Variants in WFDC1 observed in about 807,000 individuals in gnomAD.
The protein encoded by WFDC1 is WAP four-disulfide core domain 1.
WFDC1 carries 39 observed loss-of-function variants against 32.9 expected under a neutral mutation model. The observed-to-expected ratio is 1.19, with a 90% CI of 0.92 to 1.55. The LOEUF is 1.55. Among genes scored for constraint, WFDC1 ranks in the 40% most tolerant of loss-of-function variants. WFDC1 has a pLI of 0.00. For missense variants in WFDC1, 386 were observed against 309.5 expected (o/e 1.25, Z -1.85); for synonymous variants, 184 against 137.4 (o/e 1.34, Z -2.37).
In WFDC1 at chr16:84,318,395, C is replaced by T. The variant is rs573090366; in HGVS notation, c.421+40C>T. 39 of 1,596,454 alleles carry T rather than the reference C, an allele frequency of 2.4e-5. 1 individual carries two copies. Among genetic ancestry groups the T allele is most frequent in the South Asian group, 1.5e-4 (14 of 90,500 alleles). On this transcript the variant is annotated intron_variant, in intron 3 of 6. Transcript: ENST00000219454. ...AAGCCCAGACCCTACATCCAAGCCTCGATCCCTCCTTCTCAGCTGCTTCCA... is the reference window on the plus strand; with the variant it reads ...AAGCCCAGACCCTACATCCAAGCCTTGATCCCTCCTTCTCAGCTGCTTCCA...
At chr16:84,309,296 C>T (rs941432619) in intron 1 of WFDC1, among the ~76,000 whole-genome samples, 1 of 151,862 alleles carries the variant, frequency 6.6e-6, no homozygotes, top group Non-Finnish European at 1.5e-5. Context: ...ACCTGGTTGG[C>T]GCAGGGCTCG....
intron 6 of WFDC1, chr16:84,327,160 A>G (rs1908653196): frequency 1.7e-6 from 1 of 580,246 alleles, no homozygotes; most frequent in African/African-American, 1.9e-5. Context: ...ACGACATACT[A>G]TATGCACTGT....
intron 6 of WFDC1, chr16:84,328,305 C>T (rs978392664): frequency 5.3e-5 from 8 of 152,086 alleles, no homozygotes; most frequent in African/African-American, 9.7e-5. Context: ...AAAGGTGAGG[C>T]GTAGGTGCAT....
chr16:84,315,584 A>G (rs771113993), intron 2 of WFDC1, among the ~76,000 whole-genome samples: 41 of 152,218 alleles, frequency 2.7e-4, no homozygotes, highest in South Asian at 4.1e-4. Context: ...GCATATTGAC[A>G]TTTGGGATTG....
At chr16:84,304,233 T>C (rs1353939324) in intron 1 of WFDC1, among the ~76,000 whole-genome samples, 1 of 152,340 alleles carries the variant, frequency 6.6e-6, no homozygotes, top group Non-Finnish European at 1.5e-5. Context: ...TTTGTTCATC[T>C]ATATGAACAA....
chr16:84,318,262 A>G lies in WFDC1; in HGVS notation c.338-10A>G. On this transcript the variant is annotated splice_polypyrimidine_tract_variant and intron_variant, in intron 2 of 6. Coordinates refer to ENST00000219454, the MANE Select transcript of WFDC1 (RefSeq NM_021197.4). Reference sequence around the variant, plus strand: ...GAGGAGGGCCCTGATCTGACCCCGTATTGTGTTAGTCTTAGACTGGCTGGT... The same window carrying G: ...GAGGAGGGCCCTGATCTGACCCCGTGTTGTGTTAGTCTTAGACTGGCTGGT... 1.2e-6 allele frequency: 2 copies of G among 1,613,904 alleles called. No individual in the cohort carries two copies. The highest frequency in any genetic ancestry group is 8.5e-7 in the Non-Finnish European group (1 of 1,179,864).
chr16:84,307,906 A>G (rs980340391), intron 1 of WFDC1, among the ~76,000 whole-genome samples: 1 of 152,112 alleles, frequency 6.6e-6, no homozygotes, highest in Admixed American at 6.5e-5. Context: ...TACAGGGGTG[A>G]GGGAGATTGG....
chr16:84,325,492 T>G (rs1179279597), intron 5 of WFDC1, among the ~76,000 whole-genome samples: 1 of 151,834 alleles, frequency 6.6e-6, no homozygotes, highest in East Asian at 1.9e-4. Flanking sequence ...CATGAGCCAC[T>G]GTGCCTGGCC....
chr16:84,307,373 G>C (rs1023054113), intron 1 of WFDC1, among the ~76,000 whole-genome samples: 1 of 152,142 alleles, frequency 6.6e-6, no homozygotes, highest in Non-Finnish European at 1.5e-5. Flanking sequence ...CCTTTAATCT[G>C]GGCCTCTCAG....
rs1908812386 is a variant in WFDC1, at chr16:84,329,747, C to A, written c.*441C>A. On this transcript the variant is annotated 3_prime_UTR_variant, in exon 7 of 7. Coordinates refer to ENST00000219454, the MANE Select transcript of WFDC1 (RefSeq NM_021197.4). Reference sequence around the variant, plus strand: ...CAGGAAATGGAAATGAACTTGCTTACTAATGTGTGATTCCTAGTTGTAGCC... The same window carrying A: ...CAGGAAATGGAAATGAACTTGCTTAATAATGTGTGATTCCTAGTTGTAGCC... 1 of 152,206 alleles carries A rather than the reference C, an allele frequency of 6.6e-6. No homozygotes were observed. The highest frequency in any genetic ancestry group is 2.1e-4 in the South Asian group (1 of 4,830). 9.4% of individuals were successfully genotyped at this position (152,206 alleles called of 1,614,324 possible).
At chr16:84,324,813 C>T (rs1908493328) in intron 5 of WFDC1, among the ~76,000 whole-genome samples, 2 of 152,152 alleles carry the variant, frequency 1.3e-5, no homozygotes, top group South Asian at 2.1e-4. Context: ...TTATTTCATC[C>T]ATCCATTCAT....
chr16:84,312,021 C>A (rs927027520), intron 1 of WFDC1, among the ~76,000 whole-genome samples: 1 of 151,874 alleles, frequency 6.6e-6, no homozygotes, highest in African/African-American at 2.4e-5. Context: ...CAAAATTAGC[C>A]GGGTGTGGTG....
Position 84,300,277 on chromosome 16 carries a change from C to T in WFDC1, c.144+5162C>T, listed in dbSNP as rs541448894. 5.3e-5 allele frequency among the ~76,000 whole-genome samples: 8 copies of T among 152,354 alleles called. No individual in the cohort carries two copies. In the South Asian group the frequency reaches 1.4e-3, roughly 28 times the overall value. ...TGTAGGAGCAAATGGAGCTGGAGCC[C>T]GATGGCCCAGCTGGCTTCTCAACTT... On this transcript the variant is annotated intron_variant, in intron 1 of 6. Transcript: ENST00000219454.
intron 2 of WFDC1, among the ~76,000 whole-genome samples, chr16:84,314,297 G>A (rs1186284696): frequency 6.6e-6 from 1 of 152,200 alleles, no homozygotes; most frequent in Non-Finnish European, 1.5e-5. Context: ...GGGGAGTAGG[G>A]TAGACAAGTA....
chr16:84,295,378 C>G (rs1416914081), intron 1 of WFDC1: 1 of 498,056 alleles, frequency 2.0e-6, no homozygotes, highest in Admixed American at 3.8e-5. Flanking sequence ...TGCCTTGTTA[C>G]AAAAGTATGC....
chr16:84,324,100 A>G (rs1230257986), intron 4 of WFDC1, among the ~76,000 whole-genome samples: 1 of 149,370 alleles, frequency 6.7e-6, no homozygotes, highest in African/African-American at 2.5e-5. Flanking sequence ...AGCCTGGGCA[A>G]CAGAGTGAGA....
At chr16:84,322,757 T>A (rs1043908553) in intron 4 of WFDC1, among the ~76,000 whole-genome samples, 1 of 152,124 alleles carries the variant, frequency 6.6e-6, no homozygotes, top group Non-Finnish European at 1.5e-5. Flanking sequence ...AACACTGACA[T>A]GTATAGTAAA....
intron 1 of WFDC1, among the ~76,000 whole-genome samples, chr16:84,310,501 T>A (rs958498710): frequency 8.0e-5 from 12 of 150,782 alleles, no homozygotes; most frequent in Admixed American, 2.6e-4. Flanking sequence ...AAGAAGAATG[T>A]GTACATGGTA....
chr16:84,326,578 C>A (rs138131039), intron 5 of WFDC1: 20 of 348,560 alleles, frequency 5.7e-5, no homozygotes, highest in African/African-American at 2.0e-4. Context: ...TAGTGGGCAG[C>A]AGAATGGCAT....
Sources: allele counts gnomAD v4.1 joint callset (sites outside exome capture counted in the v4.1 genomes callset), GRCh38; gene constraint gnomAD v4.1.1; transcripts MANE v1.5; gene names NCBI Gene and HGNC (gene_info 2026-07-23, HGNC 2026-07-21).